The following ADGRG2 variants were observed in gnomAD, a reference collection of about 807,000 sequenced individuals.
ADGRG2 encodes G protein-coupled receptor 64.
ADGRG2 carries 26 observed loss-of-function variants against 74.1 expected under a neutral mutation model. That is an observed-to-expected ratio of 0.35 (90% CI 0.26 to 0.49). The LOEUF (loss-of-function observed/expected upper bound fraction) is 0.49, where lower values mean the gene tolerates loss of function less well. Ranked by LOEUF, ADGRG2 falls within the 20% of genes least tolerant of loss-of-function variation. The probability of loss-of-function intolerance (pLI) is 0.99; values close to 1 mark genes in which losing one functional copy is unlikely to be tolerated. For missense variants in ADGRG2, 619 were observed against 763.1 expected (o/e 0.81, Z 2.22); for synonymous variants, 296 against 295.2 (o/e 1.00, Z -0.03).
At chrX:19,119,286 G>A (rs1182290969) in intron 1 of ADGRG2, among the ~76,000 whole-genome samples, 1 of 112,134 alleles carries the variant, frequency 8.9e-6, no homozygotes, top group Non-Finnish European at 1.9e-5. Flanking sequence ...TTGATTGCGG[G>A]AATTTATTTT....
chrX:19,031,200 T>C lies in ADGRG2; in HGVS notation c.305-163A>G, dbSNP rs1315216985. On this transcript the variant is annotated intron_variant, in intron 8 of 28. Transcript: ENST00000379869. ...ATTCCACAAAGACTAAAGAAATGAGTTTTCATTTGTTGGTCATTTGTCAGC... is the reference window on the plus strand; with the variant it reads ...ATTCCACAAAGACTAAAGAAATGAGCTTTCATTTGTTGGTCATTTGTCAGC... The C allele has an allele frequency of 6.7e-6, 3 of 450,003 alleles. No individual in the cohort carries two copies. The Admixed American group carries it at 1.1e-4, about 17-fold the overall frequency. The allele number at this position is 450,003 out of a possible 1,213,427, so 37.1% of individuals were successfully genotyped here. A position where few individuals can be genotyped will look rare whatever the true frequency, so the allele number is the denominator to read the frequency against.
intron 3 of ADGRG2, among the ~76,000 whole-genome samples, chrX:19,049,040 T>C (rs1047551168): frequency 1.7e-4 from 19 of 111,646 alleles, no homozygotes; most frequent in African/African-American, 6.2e-4. Context: ...TGCCCTCCCC[T>C]CACTCAGCCA....
At chrX:19,065,261 CAA>C (rs749063279) in intron 3 of ADGRG2, among the ~76,000 whole-genome samples, 14 of 11,128 alleles carry the variant, frequency 1.3e-3, no homozygotes, top group African/African-American at 2.8e-3. Context: ...GATCCTGTCT[CAA>C]AAAAAAAAAA....
At chrX:19,007,113 A>T (rs1377752378) in intron 20 of ADGRG2, 122 bp downstream of exon 20, 10 of 671,804 alleles carry the variant, frequency 1.5e-5, no homozygotes, top group Non-Finnish European at 2.1e-5. Context: ...AGTCCTGCAA[A>T]CTACTCCAGC....
At chrX:18,991,709 C>T (rs1007758147) in intron 28 of ADGRG2, among the ~76,000 whole-genome samples, 2 of 111,893 alleles carry the variant, frequency 1.8e-5, no homozygotes, top group African/African-American at 6.5e-5. Flanking sequence ...GTGGGCCTTC[C>T]CCACCCCAAG....
At chrX:19,026,993 C>T (rs1223418135) in intron 11 of ADGRG2, among the ~76,000 whole-genome samples, 1 of 111,956 alleles carries the variant, frequency 8.9e-6, no homozygotes, top group East Asian at 2.8e-4. Context: ...AACTCAAATG[C>T]TAATTCAAAT....
chrX:19,007,537 A>G (rs1265700965), intron 19 of ADGRG2, among the ~76,000 whole-genome samples, 180 bp from the exon 20 acceptor site: 3 of 112,502 alleles, frequency 2.7e-5, no homozygotes, highest in Non-Finnish European at 5.6e-5. Context: ...TTGTTCTACA[A>G]TACAATGCTC....
chrX:19,002,721 G>A (rs2060155358), intron 24 of ADGRG2, 125 bp downstream of exon 24: 1 of 624,996 alleles, frequency 1.6e-6, no homozygotes, highest in South Asian at 2.7e-5. Flanking sequence ...ACATGTAAGA[G>A]TATAAAGCTG....
At position 19,009,756 on chromosome X, in the gene ADGRG2, C is replaced by G. The variant is rs749241105; in HGVS notation, c.1292G>C (p.Gly431Ala). The change falls in exon 18 of 29, where the codon GGC becomes GCC. Residue 431 changes from glycine to alanine, a missense_variant. Gly to Ala is a moderately conservative substitution (Grantham distance 60, BLOSUM62 0). Coordinates refer to ENST00000379869, the MANE Select transcript of ADGRG2 (RefSeq NM_001079858.3). ...QRLLKVVDDI[G>A]LQLNFSNTTI... ...CGTGTTTGAAAAGTTCAGCTGTAGG[C>G]CAATGTCATCCACTACTTTCAGCAA... 5 of 1,193,426 alleles carry G rather than the reference C, an allele frequency of 4.2e-6. No individual in the cohort carries two copies. Among genetic ancestry groups the G allele is most frequent in the Non-Finnish European group, 5.7e-6 (5 of 880,819 alleles).
intron 3 of ADGRG2, among the ~76,000 whole-genome samples, chrX:19,065,011 C>A (rs1366430680): frequency 1.8e-5 from 2 of 110,441 alleles, no homozygotes; most frequent in African/African-American, 3.3e-5. Context: ...TGGCTCACAT[C>A]TGTAATCCCA....
intron 9 of ADGRG2, 88 bp downstream of exon 9, chrX:19,030,896 T>C (rs2060811891): frequency 1.6e-6 from 1 of 626,129 alleles, no homozygotes; most frequent in Non-Finnish European, 2.5e-6. Context: ...AAGAGGCACA[T>C]ACCACATACT....
chrX:19,088,852 G>A (rs973366959), intron 1 of ADGRG2, among the ~76,000 whole-genome samples: 5 of 112,111 alleles, frequency 4.5e-5, no homozygotes, highest in South Asian at 7.4e-4. Context: ...TGTAGGATGG[G>A]TCTCACCAAG....
intron 11 of ADGRG2, among the ~76,000 whole-genome samples, chrX:19,025,030 C>T (rs1271299407): frequency 8.9e-6 from 1 of 111,996 alleles, no homozygotes; most frequent in Non-Finnish European, 1.9e-5. Flanking sequence ...CTGCCTCGGC[C>T]TCCCACAGTG....
chrX:19,035,426 A>T (rs2060917561), intron 7 of ADGRG2: 1 of 112,510 alleles, frequency 8.9e-6, no homozygotes, highest in South Asian at 3.6e-4. Context: ...AATATTATCA[A>T]GTCATAATAG....
intron 1 of ADGRG2, among the ~76,000 whole-genome samples, chrX:19,116,792 T>C (rs891574807): frequency 3.6e-5 from 4 of 112,018 alleles, no homozygotes. Flanking sequence ...TGAGCAGTTT[T>C]ACAAAACAAT....
intron 3 of ADGRG2, among the ~76,000 whole-genome samples, chrX:19,068,213 C>T (rs1273641163): frequency 8.9e-6 from 1 of 112,045 alleles, no homozygotes; most frequent in East Asian, 2.8e-4. Context: ...AAGGGGGAGA[C>T]GACCCAAATG....
At chrX:19,097,943 G>C (rs887583376) in intron 1 of ADGRG2, among the ~76,000 whole-genome samples, 5 of 112,915 alleles carry the variant, frequency 4.4e-5, no homozygotes, top group African/African-American at 1.6e-4. Context: ...CAGTTTTAAA[G>C]AGAGCTATAA....
At chrX:19,041,280 C>A (rs1349790435) in intron 3 of ADGRG2, among the ~76,000 whole-genome samples, 1 of 111,636 alleles carries the variant, frequency 9.0e-6, no homozygotes, top group Admixed American at 9.6e-5. Flanking sequence ...ATCCTTTGGG[C>A]TAAATTTTTA....
intron 1 of ADGRG2, among the ~76,000 whole-genome samples, chrX:19,101,686 G>T (rs1032742028): frequency 1.8e-5 from 2 of 108,425 alleles, no homozygotes; most frequent in African/African-American, 6.7e-5. Context: ...GGGCCATAGA[G>T]TGAGACGCAA....
Sources: allele counts gnomAD v4.1 joint callset (sites outside exome capture counted in the v4.1 genomes callset), GRCh38; gene constraint gnomAD v4.1.1; transcripts MANE v1.5; gene names NCBI Gene and HGNC (gene_info 2026-07-23, HGNC 2026-07-21).